WDR64: variants seen among roughly 807,000 people sequenced by gnomAD.
WDR64 encodes WD repeat-containing protein 64.
WDR64 carries 112 observed loss-of-function variants against 139.3 expected under a neutral mutation model. The ratio of observed to expected loss-of-function variants is 0.80; its 90% CI spans 0.69 to 0.94. The LOEUF (loss-of-function observed/expected upper bound fraction) is 0.94, where lower values mean the gene tolerates loss of function less well. Among genes scored for constraint, WDR64 ranks in the 40% least tolerant of loss-of-function variants. WDR64 has a pLI of 0.00. For synonymous variants in WDR64, 444 were observed against 437.7 expected (o/e 1.01, Z -0.18); for missense variants, 1,206 against 1,293.1 (o/e 0.93, Z 1.03).
chr1:241,747,050 C>T (rs188933692), intron 13 of WDR64, among the ~76,000 whole-genome samples: 24 of 152,244 alleles, frequency 1.6e-4, no homozygotes, highest in African/African-American at 5.8e-4. Flanking sequence ...CGTGAGCCAC[C>T]GCACCCAGCC....
chr1:241,660,804 A>T lies in WDR64; in HGVS notation c.276+144A>T. 13 of 812,310 alleles carry T rather than the reference A, an allele frequency of 1.6e-5. No homozygotes were observed. In the South Asian group the frequency reaches 2.5e-4, roughly 16 times the overall value. 50.3% of individuals were successfully genotyped at this position (812,310 alleles called of 1,614,324 possible). A position where few individuals can be genotyped will look rare whatever the true frequency, so the allele number is the denominator to read the frequency against. On this transcript the variant is annotated intron_variant, in intron 2 of 27. Transcript: ENST00000437684. ...TTTCAATACCTACACCCATTAGGAC[A>T]TGGCCACTGCCCACAAATGAAAGTG... is the stretch of plus-strand genomic sequence containing the variant.
intron 27 of WDR64, among the ~76,000 whole-genome samples, chr1:241,797,110 G>A (rs914485660): frequency 2.6e-5 from 4 of 152,114 alleles, no homozygotes; most frequent in Admixed American, 6.5e-5. Flanking sequence ...TAACTAACAT[G>A]CAATGCTTTA....
chr1:241,683,125 C>T (rs1220781779), intron 6 of WDR64, among the ~76,000 whole-genome samples: 1 of 152,092 alleles, frequency 6.6e-6, no homozygotes, highest in Non-Finnish European at 1.5e-5. Context: ...CTGTTTGCCA[C>T]CCAGTTTAAT....
chr1:241,652,868 C>T lies in WDR64; in HGVS notation c.145+239C>T, dbSNP rs574624037. Among the ~76,000 whole-genome samples the T allele has an allele frequency of 1.2e-4, 19 of 152,240 alleles. No individual in the cohort carries two copies. The South Asian group carries it at 3.3e-3, about 27-fold the overall frequency. On this transcript the variant is annotated intron_variant, in intron 1 of 27. Transcript: ENST00000437684. ...TTTTTACTTCTCTGAACCGAAGTTG[C>T]TTCAATTGTAAAACTATGGGATTGG... is the stretch of plus-strand genomic sequence containing the variant.
At chr1:241,660,067 C>T (rs1406223772) in intron 1 of WDR64, among the ~76,000 whole-genome samples, 1 of 152,132 alleles carries the variant, frequency 6.6e-6, no homozygotes, top group African/African-American at 2.4e-5. Flanking sequence ...TTTAATCCAT[C>T]CTGAGTTGAT....
chr1:241,677,954 C>T (rs1443868265), intron 4 of WDR64, among the ~76,000 whole-genome samples: 2 of 152,198 alleles, frequency 1.3e-5, no homozygotes, highest in Non-Finnish European at 2.9e-5. Context: ...GTTAACAGCA[C>T]AGTCACCAGG....
At chr1:241,662,955 G>A (rs1209017586) in intron 2 of WDR64, among the ~76,000 whole-genome samples, 2 of 152,044 alleles carry the variant, frequency 1.3e-5, no homozygotes, top group Non-Finnish European at 1.5e-5. Context: ...ATTATTTGTG[G>A]ATATTCTACC....
At chr1:241,659,788 CT>C (rs1457110850) in intron 1 of WDR64, among the ~76,000 whole-genome samples, 3 of 151,968 alleles carry the variant, frequency 2.0e-5, no homozygotes, top group Non-Finnish European at 4.4e-5. Context: ...GCTTAAGTTC[CT>C]TGTAGATGCT....
At chr1:241,743,370 C>A (rs919472280) in intron 12 of WDR64, among the ~76,000 whole-genome samples, 5 of 152,078 alleles carry the variant, frequency 3.3e-5, no homozygotes, top group African/African-American at 1.2e-4. Context: ...ATCAGGGACA[C>A]GCAGAGGTTA....
intron 2 of WDR64, among the ~76,000 whole-genome samples, chr1:241,664,873 T>G (rs1665970908): frequency 6.6e-6 from 1 of 152,178 alleles, no homozygotes; most frequent in African/African-American, 2.4e-5. Context: ...ACTGAGATTT[T>G]TCTCCCTCTT....
At chr1:241,714,797 C>A (rs1371655731) in intron 9 of WDR64, among the ~76,000 whole-genome samples, 1 of 152,148 alleles carries the variant, frequency 6.6e-6, no homozygotes, top group Non-Finnish European at 1.5e-5. Context: ...TGGCCAATCA[C>A]CAACTCTGAT....
intron 8 of WDR64, among the ~76,000 whole-genome samples, chr1:241,698,293 A>G (rs1667575003): frequency 6.6e-6 from 1 of 152,030 alleles, no homozygotes; most frequent in Non-Finnish European, 1.5e-5. Flanking sequence ...ATTCCCACAA[A>G]CCAGTAATCA....
At chr1:241,702,086 A>T (rs2148148271) in intron 8 of WDR64, among the ~76,000 whole-genome samples, 1 of 152,350 alleles carries the variant, frequency 6.6e-6, no homozygotes, top group Non-Finnish European at 1.5e-5. Context: ...AAACATCTGC[A>T]ATTAATTATG....
chr1:241,653,064 C>T (rs1348768035), intron 1 of WDR64, among the ~76,000 whole-genome samples: 4 of 152,184 alleles, frequency 2.6e-5, no homozygotes, highest in African/African-American at 9.7e-5. Context: ...ATTCCATTGT[C>T]TTGGCCACTC....
intron 22 of WDR64, among the ~76,000 whole-genome samples, chr1:241,781,830 T>C (rs1339627312): frequency 3.9e-5 from 6 of 152,248 alleles, no homozygotes; most frequent in Non-Finnish European, 7.3e-5. Flanking sequence ...AAGTATCCTT[T>C]TGTGAAACTT....
At chr1:241,745,363 G>A (rs1280860678) in intron 13 of WDR64, among the ~76,000 whole-genome samples, 1 of 151,880 alleles carries the variant, frequency 6.6e-6, no homozygotes, top group African/African-American at 2.4e-5. Flanking sequence ...CCCTTCACGT[G>A]GATCGGTTCT....
At chr1:241,696,050 G>T (rs1667468879) in intron 8 of WDR64, among the ~76,000 whole-genome samples, 1 of 141,790 alleles carries the variant, frequency 7.1e-6, no homozygotes, top group Non-Finnish European at 1.5e-5. Context: ...GGAGGTCGAG[G>T]CTGCAGTGAG....
chr1:241,759,678 T>C (rs1370479157), intron 15 of WDR64, among the ~76,000 whole-genome samples: 1 of 151,972 alleles, frequency 6.6e-6, no homozygotes, highest in Non-Finnish European at 1.5e-5. Flanking sequence ...ATAAGCAGTA[T>C]ATAGAGATCT....
chr1:241,734,048 G>A (rs764315745), intron 10 of WDR64, among the ~76,000 whole-genome samples: 10 of 152,112 alleles, frequency 6.6e-5, no homozygotes, highest in Admixed American at 1.3e-4. Flanking sequence ...GAACTGCTTA[G>A]GGCAAACTTG....
Sources: gnomAD v4.1 joint callset for allele counts (sites outside exome capture counted in the v4.1 genomes callset) on GRCh38, gnomAD v4.1.1 for gene constraint, MANE v1.5 for transcripts, NCBI Gene and HGNC (gene_info 2026-07-23, HGNC 2026-07-21) for gene names.